The following CECR2 variants were observed in gnomAD, a reference collection of about 807,000 sequenced individuals.
The protein encoded by CECR2 is chromatin remodeling regulator CECR2.
CECR2 carries 30 observed loss-of-function variants against 154.5 expected under a neutral mutation model. The observed-to-expected ratio is 0.19, with a 90% CI of 0.15 to 0.26. The LOEUF is 0.26. Ranked by LOEUF, CECR2 falls within the 10% of genes least tolerant of loss-of-function variation. The pLI is 1.00. For missense variants in CECR2, 1,743 were observed against 1,829.3 expected, an observed-to-expected ratio of 0.95 and a Z score of 0.86; for synonymous variants, 725 against 683.7, an observed-to-expected ratio of 1.06 and a Z score of -0.94.
intron 9 of CECR2, among the ~76,000 whole-genome samples, chr22:17,526,398 T>A (rs2056265425): frequency 6.6e-6 from 1 of 152,140 alleles, no homozygotes; most frequent in South Asian, 2.1e-4. Flanking sequence ...GAACATACAC[T>A]GGGGAAAAGA....
intron 9 of CECR2, 83 bp from the exon 10 acceptor site, chr22:17,537,020 T>A (rs62241410): frequency 0.041 from 63,097 of 1,521,914 alleles, 1,624 homozygotes; most frequent in African/African-American, 0.11. Context: ...GCCTGGTTCT[T>A]CCTTCTCTCA....
chr22:17,372,705 C>G (rs1293933758), intron 1 of CECR2, among the ~76,000 whole-genome samples: 1 of 152,058 alleles, frequency 6.6e-6, no homozygotes, highest in African/African-American at 2.4e-5. Context: ...ATAAAAAATT[C>G]AAATGCCGAG....
intron 1 of CECR2, among the ~76,000 whole-genome samples, chr22:17,397,739 C>T (rs138845977): frequency 0.025 from 3,759 of 152,226 alleles, 41 homozygotes; most frequent in Middle Eastern, 0.051. Flanking sequence ...CCTCGTGATC[C>T]GCCCGCCTCG....
intron 1 of CECR2, among the ~76,000 whole-genome samples, chr22:17,470,677 T>G (rs80116676): frequency 0.011 from 1,413 of 125,340 alleles, 23 homozygotes; most frequent in African/African-American, 0.046. Flanking sequence ...CCACCTGCAG[T>G]TAGTTGCAAA....
At position 17,548,199 on chromosome 22, in the gene CECR2, A is replaced by C; in HGVS notation, c.2912A>C (p.Glu971Ala). The change falls in exon 17 of 19, where the codon GAG becomes GCG. Residue 971 changes from glutamate (E) to alanine (A), a missense_variant. Glu to Ala is a moderately radical substitution (Grantham distance 107). Coordinates refer to ENST00000262608, the MANE Select transcript of CECR2 (RefSeq NM_001290047.2). ...AAACCACCAGGTGTTGGTACTTCAGAGGGGGTCTACCTCACACAACTACCT... is the reference window on the plus strand; with the variant it reads ...AAACCACCAGGTGTTGGTACTTCAGCGGGGGTCTACCTCACACAACTACCT... ...EEKPPGVGTS[E>A]GVYLTQLPHP... 1.3e-6 allele frequency: 2 copies of C among 1,587,006 alleles called. No individual in the cohort carries two copies. Among genetic ancestry groups the C allele is most frequent in the Non-Finnish European group, 1.7e-6 (2 of 1,167,478 alleles).
intron 1 of CECR2, among the ~76,000 whole-genome samples, chr22:17,384,763 A>G (rs1489878512): frequency 6.6e-6 from 1 of 152,206 alleles, no homozygotes; most frequent in African/African-American, 2.4e-5. Context: ...CCAGCCCCTA[A>G]GAGAATCAGC....
Position 17,524,144 on chromosome 22 carries a change from A to C in CECR2, c.981A>C (p.Glu327Asp). 6.3e-7 allele frequency: 1 copy of C among 1,598,406 alleles called. No individual in the cohort carries two copies. Among genetic ancestry groups the C allele is most frequent in the Non-Finnish European group, 8.5e-7 (1 of 1,172,544 alleles). ...QEETPVLTRIEKQKRKEEEEE... is the reference protein window; with the variant it reads ...QEETPVLTRIDKQKRKEEEEE... The stretch of plus-strand genomic sequence containing the variant: ...AGACTCCTGTGCTGACCAGAATAGA[A>C]AAACAAAAGCGCAAAGAGGAGGAAG... The change falls in exon 9 of 19, where the codon GAA (glutamate) becomes GAC (aspartate). Residue 327 changes from glutamate (E) to aspartate (D), a missense_variant. Transcript: ENST00000262608.
intron 1 of CECR2, among the ~76,000 whole-genome samples, chr22:17,471,516 T>A (rs2055126291): frequency 1.3e-5 from 2 of 151,424 alleles, no homozygotes; most frequent in Admixed American, 6.6e-5. Context: ...TGGGGTTTTT[T>A]ATTGTTGTTG....
At position 17,542,714 on chromosome 22, in the gene CECR2, A is replaced by G; in HGVS notation, c.2571A>G (p.Pro857=). Reference sequence around the variant, plus strand: ...ATCGGTTACAGCCACCTCCAGTGCCAGCACCCAGTTCTTTGTTTGGAGCAC... The same window carrying G: ...ATCGGTTACAGCCACCTCCAGTGCCGGCACCCAGTTCTTTGTTTGGAGCAC... The part of the protein sequence containing the change: ...AGHRLQPPPV[P]APSSLFGAPA... Residue 857 remains proline, a synonymous_variant, in exon 16 of 19, where the codon CCA becomes CCG. Transcript: ENST00000262608. 1 of 1,614,042 alleles carries G rather than the reference A, an allele frequency of 6.2e-7. No individual in the cohort carries two copies. The highest frequency in any genetic ancestry group is 8.5e-7 in the Non-Finnish European group (1 of 1,179,892).
intron 1 of CECR2, among the ~76,000 whole-genome samples, chr22:17,429,571 G>GAAAAAAGA (rs1262618999): frequency 7.0e-6 from 1 of 141,868 alleles, no homozygotes; most frequent in Non-Finnish European, 1.5e-5. Context: ...GAAAAGAAAA[G>GAAAAAAGA]AAAAAAGAGA....
chr22:17,447,975 C>T (rs1229077243), intron 1 of CECR2, among the ~76,000 whole-genome samples: 5 of 151,990 alleles, frequency 3.3e-5, no homozygotes, highest in African/African-American at 9.7e-5. Flanking sequence ...TCCATTAGAG[C>T]AATTTCCATC....
intron 2 of CECR2, among the ~76,000 whole-genome samples, chr22:17,481,850 C>T (rs780187647): frequency 2.0e-5 from 3 of 152,180 alleles, no homozygotes; most frequent in South Asian, 2.1e-4. Flanking sequence ...GGCGTGGTGG[C>T]TCACGCCTGT....
chr22:17,440,956 A>T, intron 1 of CECR2, among the ~76,000 whole-genome samples: 1 of 29,540 alleles, frequency 3.4e-5, no homozygotes, highest in Non-Finnish European at 6.8e-5. Context: ...TTTGGGGGGG[A>T]GGGGCAGGGG....
chr22:17,540,678 G>A lies in CECR2; in HGVS notation c.1762G>A (p.Asp588Asn). The change falls in exon 14 of 19, where the codon GAC becomes AAC. Residue 588 changes from aspartate to asparagine, a missense_variant. By Grantham distance (23) the Asp-to-Asn change is conservative. Around this residue, in one of 4 missense-constraint regions of CECR2, gnomAD observed 1,250 missense variants for 1,192.1 expected, o/e 1.05. Transcript: ENST00000262608. Reference protein sequence around the residue: ...PPTRRAPSSGDDQSSSSTQPP... With the variant: ...PPTRRAPSSGNDQSSSSTQPP... ...CACACGCCGAGCGCCCTCTTCTGGG[G>A]ACGATCAGAGCAGCAGCTCCACACA... 6.2e-7 allele frequency: 1 copy of A among 1,614,000 alleles called. No individual in the cohort carries two copies.
intron 1 of CECR2, among the ~76,000 whole-genome samples, chr22:17,409,131 TTTG>T (rs1338715252): frequency 6.9e-6 from 1 of 145,848 alleles, no homozygotes; most frequent in East Asian, 2.1e-4. Flanking sequence ...CTTGTTTTTT[TTTG>T]TTTGTTTGTT....
intron 8 of CECR2, among the ~76,000 whole-genome samples, chr22:17,519,844 G>A (rs980314480): frequency 2.0e-5 from 3 of 149,092 alleles, no homozygotes; most frequent in South Asian, 2.1e-4. Flanking sequence ...AGGCTGGAGT[G>A]CAGTGGCACA....
At chr22:17,492,146 A>G (rs1214344801) in intron 2 of CECR2, among the ~76,000 whole-genome samples, 1 of 152,202 alleles carries the variant, frequency 6.6e-6, no homozygotes, top group East Asian at 1.9e-4. Flanking sequence ...CTGTGTGTAC[A>G]TGTATTTCAT....
chr22:17,484,927 G>A (rs1341233470), intron 2 of CECR2, among the ~76,000 whole-genome samples: 6 of 152,180 alleles, frequency 3.9e-5, no homozygotes, highest in African/African-American at 7.2e-5. Context: ...ATAATTTTCC[G>A]ACTCCTGTAT....
Position 17,511,894 on chromosome 22 carries a change from G to A in CECR2, c.952G>A (p.Glu318Lys), listed in dbSNP as rs1335090360. Residue 318 changes from glutamate (E) to lysine (K), a missense_variant and splice_region_variant, in exon 8 of 19, where the codon GAG becomes AAG. Glu to Lys is a moderately conservative substitution (Grantham distance 56). Transcript: ENST00000262608. ...CCTGTCCATCAAACCCGTCAAGCAA[G>A]AGGTGAGTGTGGGTGAGAGTAGCGA... is the stretch of plus-strand genomic sequence containing the variant. ...DHLSIKPVKQ[E>K]ETPVLTRIEK... 1 of 1,611,408 alleles carries A rather than the reference G, an allele frequency of 6.2e-7. No homozygotes were observed. The highest frequency in any genetic ancestry group is 8.5e-7 in the Non-Finnish European group (1 of 1,178,272).
Sources: gnomAD v4.1 joint callset for allele counts (sites outside exome capture counted in the v4.1 genomes callset) on GRCh38, gnomAD v4.1.1 for gene constraint, gnomAD v4.1.1 regional missense constraint, MANE v1.5 for transcripts, NCBI Gene and HGNC (gene_info 2026-07-23, HGNC 2026-07-21) for gene names.